CALML6: variants seen among roughly 807,000 people sequenced by gnomAD.
The protein encoded by CALML6 is calmodulin-like protein 6.
CALML6 carries 27 observed loss-of-function variants against 25.0 expected under a neutral mutation model. That is an observed-to-expected ratio of 1.08 (90% CI 0.80 to 1.49). The LOEUF (loss-of-function observed/expected upper bound fraction) is 1.49, where lower values mean the gene tolerates loss of function less well. Among genes scored for constraint, CALML6 ranks in the 40% most tolerant of loss-of-function variants. The probability of loss-of-function intolerance (pLI) is 0.00; values close to 1 mark genes in which losing one functional copy is unlikely to be tolerated. For synonymous variants in CALML6, 97 were observed against 87.2 expected (o/e 1.11, Z -0.63); for missense variants, 239 against 232.7 (o/e 1.03, Z -0.18).
In CALML6 at chr1:1,916,897, G is replaced by A; in HGVS notation, c.398+1G>A. The A allele has an allele frequency of 6.7e-7, 1 of 1,495,558 alleles. No individual in the cohort carries two copies. The highest frequency in any genetic ancestry group is 1.1e-5 in the South Asian group (1 of 88,752). The allele number at this position is 1,495,558 out of a possible 1,614,324, so 92.6% of individuals were successfully genotyped here. A position where few individuals can be genotyped will look rare whatever the true frequency, so the allele number is the denominator to read the frequency against. Reference sequence around the variant, plus strand: ...GCTACATTGACTGGAACACACTCAAGTAGGGCCCGGGTTGGGGGCGGGTGG... The same window carrying A: ...GCTACATTGACTGGAACACACTCAAATAGGGCCCGGGTTGGGGGCGGGTGG... On this transcript the variant is annotated splice_donor_variant, in intron 4 of 5. Coordinates refer to ENST00000307786, the MANE Select transcript of CALML6 (RefSeq NM_138705.4). LOFTEE classifies it high-confidence loss of function.
Position 1,917,204 on chromosome 1 carries a change from C to T in CALML6, c.*11C>T, listed in dbSNP as rs543758805. ...AAGCTGATCCAGTAGGTGCAGCTGC[C>T]GCAGCCGGGGGAGGCCTGCCCGGGA... On this transcript the variant is annotated 3_prime_UTR_variant, in exon 6 of 6. Transcript: ENST00000307786. The T allele has an allele frequency of 1.7e-5, 27 of 1,591,300 alleles. No individual in the cohort carries two copies. The highest frequency in any genetic ancestry group is 1.3e-4 in the African/African-American group (10 of 74,720).
chr1:1,916,512 C>T lies in CALML6; in HGVS notation c.150C>T (p.Asn50=), dbSNP rs577970661. ...TTGAGATGTTCGACGAAGAGGGCAA[C>T]GGGGAGGTGAAGACGGGGGAGCTGG... ...GVFEMFDEEG[N]GEVKTGELEW... is the part of the protein sequence containing the mutation. Residue 50 remains asparagine, a synonymous_variant, in exon 3 of 6, where the codon AAC becomes AAT. Coordinates refer to ENST00000307786, the MANE Select transcript of CALML6 (RefSeq NM_138705.4). 24 of 1,604,034 alleles carry T rather than the reference C, an allele frequency of 1.5e-5. No individual in the cohort carries two copies. The highest frequency in any genetic ancestry group is 1.1e-4 in the African/African-American group (8 of 74,720).
At position 1,916,578 on chromosome 1, in the gene CALML6, T is replaced by C. The variant is rs35930313; in HGVS notation, c.216T>C (p.Ser72=). The C allele has an allele frequency of 1.7e-3, 2,759 of 1,592,404 alleles. 45 individuals carry two copies. The African/African-American group carries it at 0.033, about 19-fold the overall frequency. The change falls in exon 3 of 6, where the codon AGT becomes AGC. Residue 72 remains serine (S), a synonymous_variant. Coordinates refer to ENST00000307786, the MANE Select transcript of CALML6 (RefSeq NM_138705.4). ...MSLLGINPTK[S]ELASMAKDVD... ...TGCTGGGTATCAACCCCACCAAGAG[T>C]GAGCTGGCCTCAATGGCCAAGGATG... is the stretch of plus-strand genomic sequence containing the variant.
rs1651168189 is a variant in CALML6, at chr1:1,917,284, T to C, written c.*91T>C. The C allele has an allele frequency of 2.2e-6, 3 of 1,390,424 alleles. No individual in the cohort carries two copies. In the South Asian group the frequency reaches 3.8e-5, roughly 17 times the overall value. 86.1% of individuals were successfully genotyped at this position (1,390,424 alleles called of 1,614,324 possible). ...CTCCCCCGGCTCCGTGTAAAATAAA[T>C]GTTCCAGCCCAACCTGTGTGTGCCT... On this transcript the variant is annotated 3_prime_UTR_variant, in exon 6 of 6. Transcript: ENST00000307786.
chr1:1,916,586 C>T lies in CALML6; in HGVS notation c.224C>T (p.Ala75Val). 6.2e-7 allele frequency: 1 copy of T among 1,609,150 alleles called. No individual in the cohort carries two copies. Among genetic ancestry groups the T allele is most frequent in the Non-Finnish European group, 8.5e-7 (1 of 1,177,892 alleles). ...LGINPTKSEL[A>V]SMAKDVDRDN... ...ATCAACCCCACCAAGAGTGAGCTGG[C>T]CTCAATGGCCAAGGATGTGGACAGA... is the stretch of plus-strand genomic sequence containing the variant. The change falls in exon 3 of 6, where the codon GCC becomes GTC. Residue 75 changes from alanine (A) to valine (V), a missense_variant. By Grantham distance (64) the Ala-to-Val change is moderately conservative. Coordinates refer to ENST00000307786, the MANE Select transcript of CALML6 (RefSeq NM_138705.4).
At chr1:1,915,422 CGT>C in intron 1 of CALML6, 115 bp downstream of exon 1, 1 of 1,504,624 alleles carries the variant, frequency 6.6e-7, no homozygotes, top group African/African-American at 1.4e-5. Context: ...CGGGGAACAG[CGT>C]GTGTGAGGGT....
rs1318399114 is a variant in CALML6 at position 1,916,957 on chromosome 1, A to G, written c.399-17A>G. 8.7e-6 allele frequency: 14 copies of G among 1,611,110 alleles called. No homozygotes were observed. Among genetic ancestry groups the G allele is most frequent in the Non-Finnish European group, 1.2e-5 (14 of 1,178,566 alleles). ...ACGGGCAGGGCCGATGGAGTGGCTC[A>G]GCGCCAGGCCCCGTAGGTACGTGCT... On this transcript the variant is annotated splice_polypyrimidine_tract_variant and intron_variant, in intron 4 of 5. Coordinates refer to ENST00000307786, the MANE Select transcript of CALML6 (RefSeq NM_138705.4).
chr1:1,916,789 A>G lies in CALML6; in HGVS notation c.291A>G (p.Leu97=), dbSNP rs1482029092. 5.0e-6 allele frequency: 8 copies of G among 1,613,502 alleles called. No homozygotes were observed. The highest frequency in any genetic ancestry group is 6.8e-6 in the Non-Finnish European group (8 of 1,180,022). ...GFFNCDGFLA[L]MGVYHEKAQN... is the part of the protein sequence containing the mutation. Reference sequence around the variant, plus strand: ...TCAACTGCGATGGTTTCCTGGCACTAATGGGAGTTTACCATGAGAAGGCCC... The same window carrying G: ...TCAACTGCGATGGTTTCCTGGCACTGATGGGAGTTTACCATGAGAAGGCCC... Residue 97 remains leucine (L), a synonymous_variant, in exon 4 of 6, where the codon CTA becomes CTG. Coordinates refer to ENST00000307786, the MANE Select transcript of CALML6 (RefSeq NM_138705.4).
intron 3 of CALML6, 65 bp from the exon 4 acceptor site, chr1:1,916,687 G>GA: frequency 6.2e-7 from 1 of 1,609,270 alleles, no homozygotes; most frequent in Non-Finnish European, 8.5e-7. Context: ...CCTACGGGGG[G>GA]AAGAGGCAAA....
chr1:1,916,902 G>T lies in CALML6; in HGVS notation c.398+6G>T, dbSNP rs1319350290. ...ATTGACTGGAACACACTCAAGTAGG[G>T]CCCGGGTTGGGGGCGGGTGGTGGGC... On this transcript the variant is annotated splice_donor_region_variant and intron_variant, in intron 4 of 5. Transcript: ENST00000307786. The T allele has an allele frequency of 3.1e-6, 4 of 1,303,122 alleles. No individual in the cohort carries two copies. The African/African-American group carries it at 4.7e-5, about 15-fold the overall frequency. The allele number at this position is 1,303,122 out of a possible 1,614,324, so 80.7% of individuals were successfully genotyped here. A position where few individuals can be genotyped will look rare whatever the true frequency, so the allele number is the denominator to read the frequency against.
At chr1:1,915,359 C>T (rs1441704789) in intron 1 of CALML6, 52 bp downstream of exon 1, 12 of 1,549,206 alleles carry the variant, frequency 7.7e-6, no homozygotes, top group East Asian at 2.4e-5. Flanking sequence ...GCTGGAGGGC[C>T]GCACCTCTGG....
At position 1,916,527 on chromosome 1, in the gene CALML6, G is replaced by T. The variant is rs148438395; in HGVS notation, c.165G>T (p.Thr55=). ...AAGAGGGCAACGGGGAGGTGAAGAC[G>T]GGGGAGCTGGAGTGGCTCATGAGCC... ...FDEEGNGEVK[T]GELEWLMSLL... Residue 55 remains threonine, a synonymous_variant, in exon 3 of 6, where the codon ACG becomes ACT. Coordinates refer to ENST00000307786, the MANE Select transcript of CALML6 (RefSeq NM_138705.4). The T allele has an allele frequency of 6.2e-7, 1 of 1,610,292 alleles. No homozygotes were observed. Among genetic ancestry groups the T allele is most frequent in the Non-Finnish European group, 8.5e-7 (1 of 1,178,440 alleles).
intron 2 of CALML6, 78 bp from the exon 3 acceptor site, chr1:1,916,362 CA>C: frequency 7.6e-7 from 1 of 1,308,168 alleles, no homozygotes; most frequent in Non-Finnish European, 1.0e-6. Context: ...GGAATGGGTG[CA>C]GGGGGTACCT....
intron 3 of CALML6, 61 bp downstream of exon 3, chr1:1,916,676 G>A: frequency 1.2e-6 from 2 of 1,607,752 alleles, no homozygotes; most frequent in Non-Finnish European, 1.7e-6. Context: ...AGGTGTCAGT[G>A]CCTACGGGGG....
chr1:1,916,553 T>C lies in CALML6; in HGVS notation c.191T>C (p.Leu64Pro), dbSNP rs1651122418. 2 of 1,612,472 alleles carry C rather than the reference T, an allele frequency of 1.2e-6. No individual in the cohort carries two copies. The highest frequency in any genetic ancestry group is 1.7e-6 in the Non-Finnish European group (2 of 1,179,580). ...GGGGAGCTGGAGTGGCTCATGAGCC[T>C]GCTGGGTATCAACCCCACCAAGAGT... ...KTGELEWLMS[L>P]LGINPTKSEL... Residue 64 changes from leucine (L) to proline (P), a missense_variant, in exon 3 of 6, where the codon CTG becomes CCG. Leu to Pro is a moderately conservative substitution (Grantham distance 98). Transcript: ENST00000307786.
At chr1:1,916,927 C>T (rs781748394) in intron 4 of CALML6, 31 bp downstream of exon 4, 31 of 473,610 alleles carry the variant, frequency 6.5e-5, no homozygotes, top group Non-Finnish European at 1.0e-4. Context: ...GGGTGGTGGG[C>T]GGGCACGGGC....
chr1:1,916,801 C>T lies in CALML6; in HGVS notation c.303C>T (p.Tyr101=). 1 of 1,613,528 alleles carries T rather than the reference C, an allele frequency of 6.2e-7. No individual in the cohort carries two copies. The highest frequency in any genetic ancestry group is 8.5e-7 in the Non-Finnish European group (1 of 1,180,010). ...GTTTCCTGGCACTAATGGGAGTTTA[C>T]CATGAGAAGGCCCAGAACCAGGAGA... is the stretch of plus-strand genomic sequence containing the variant. ...CDGFLALMGV[Y]HEKAQNQESE... is the part of the protein sequence containing the mutation. The change falls in exon 4 of 6, where the codon TAC becomes TAT. Residue 101 remains tyrosine (Y), a synonymous_variant. Coordinates refer to ENST00000307786, the MANE Select transcript of CALML6 (RefSeq NM_138705.4).
Position 1,917,251 on chromosome 1 carries a change from G to A in CALML6, c.*58G>A. Reference sequence around the variant, plus strand: ...GGGAAGGCTGCTGCCCCTGCCCCCTGGCCCCCACTCCCCCGGCTCCGTGTA... The same window carrying A: ...GGGAAGGCTGCTGCCCCTGCCCCCTAGCCCCCACTCCCCCGGCTCCGTGTA... On this transcript the variant is annotated 3_prime_UTR_variant, in exon 6 of 6. Transcript: ENST00000307786. The A allele has an allele frequency of 6.7e-7, 1 of 1,502,492 alleles. No homozygotes were observed. The highest frequency in any genetic ancestry group is 9.0e-7 in the Non-Finnish European group (1 of 1,112,216). 93.1% of individuals were successfully genotyped at this position (1,502,492 alleles called of 1,614,324 possible). A position where few individuals can be genotyped will look rare whatever the true frequency, so the allele number is the denominator to read the frequency against.
chr1:1,916,068 G>A (rs1328942726), intron 2 of CALML6: 10 of 449,594 alleles, frequency 2.2e-5, no homozygotes, highest in African/African-American at 3.9e-5. Flanking sequence ...AGCCTTTCCC[G>A]GGCCAGGGCT....
Sources: allele counts gnomAD v4.1 joint callset, GRCh38; gene constraint gnomAD v4.1.1; transcripts MANE v1.5; gene names NCBI Gene and HGNC (gene_info 2026-07-23, HGNC 2026-07-21).